Variants in ZFAND3 observed in about 807,000 individuals in gnomAD.
ZFAND3 encodes zinc finger AN1-type containing 3.
Under a neutral mutation model 29.6 loss-of-function variants are expected in ZFAND3, and 10 were observed. The ratio of observed to expected loss-of-function variants is 0.34; its 90% CI spans 0.21 to 0.57. The LOEUF (loss-of-function observed/expected upper bound fraction) is 0.57, where lower values mean the gene tolerates loss of function less well. Ranked by LOEUF, ZFAND3 falls within the 20% of genes least tolerant of loss-of-function variation. The pLI, the probability that ZFAND3 is intolerant of heterozygous loss-of-function variation, is 0.86. For missense variants in ZFAND3, 230 were observed against 304.5 expected (o/e 0.76, Z 1.82); for synonymous variants, 128 against 112.6 (o/e 1.14, Z -0.87).
chr6:37,943,502 C>T (rs1761848579), intron 2 of ZFAND3, among the ~76,000 whole-genome samples: 1 of 152,032 alleles, frequency 6.6e-6, no homozygotes, highest in African/African-American at 2.4e-5. Context: ...TTTTAGGATC[C>T]AGTAGCTGTT....
intron 4 of ZFAND3, among the ~76,000 whole-genome samples, chr6:38,108,083 A>G (rs1765243386): frequency 6.6e-6 from 1 of 152,186 alleles, no homozygotes; most frequent in Admixed American, 6.5e-5. Flanking sequence ...TAATTTCACT[A>G]TAGACTGAAT....
intron 2 of ZFAND3, among the ~76,000 whole-genome samples, chr6:38,032,488 A>G (rs1037908935): frequency 2.0e-5 from 3 of 152,234 alleles, no homozygotes; most frequent in African/African-American, 7.2e-5. Flanking sequence ...CTTTAGTGTC[A>G]GAGCAGATTA....
chr6:37,830,757 A>G (rs1267770978), intron 1 of ZFAND3, among the ~76,000 whole-genome samples: 1 of 151,738 alleles, frequency 6.6e-6, no homozygotes, highest in Admixed American at 6.6e-5. Context: ...TCTTTCCCCC[A>G]TGCCTGGTGG....
chr6:38,055,163 A>T (rs1764109600), intron 2 of ZFAND3, among the ~76,000 whole-genome samples: 1 of 152,196 alleles, frequency 6.6e-6, no homozygotes, highest in Non-Finnish European at 1.5e-5. Flanking sequence ...GTGGATTGAG[A>T]AACAAAAACC....
chr6:37,948,298 A>T (rs1193102309), intron 2 of ZFAND3, among the ~76,000 whole-genome samples: 2 of 152,238 alleles, frequency 1.3e-5, no homozygotes, highest in South Asian at 4.1e-4. Flanking sequence ...ATAAATATTT[A>T]GCATTTTTAC....
At chr6:37,983,343 C>CTTTTTTTTTTTTTTTTTTTTTTTTTT (rs70981516) in intron 2 of ZFAND3, among the ~76,000 whole-genome samples, 2 of 50,040 alleles carry the variant, frequency 4.0e-5, no homozygotes, top group African/African-American at 8.1e-5. Flanking sequence ...CAGTTTTTAT[C>CTTTTTTTTTTTTTTTTTTTTTTTTTT]TTTTTTTTTT....
At chr6:38,023,230 T>C (rs1763383702) in intron 2 of ZFAND3, among the ~76,000 whole-genome samples, 1 of 152,202 alleles carries the variant, frequency 6.6e-6, no homozygotes. Flanking sequence ...TCACAAAACC[T>C]CTCTAGAGAA....
intron 2 of ZFAND3, among the ~76,000 whole-genome samples, chr6:38,033,480 A>T (rs1031702836): frequency 1.3e-5 from 2 of 152,172 alleles, no homozygotes; most frequent in African/African-American, 4.8e-5. Flanking sequence ...CCTCATTTTA[A>T]GACAGGGGTT....
intron 1 of ZFAND3, among the ~76,000 whole-genome samples, chr6:37,912,939 A>T (rs1368221898): frequency 6.6e-6 from 1 of 152,232 alleles, no homozygotes; most frequent in Non-Finnish European, 1.5e-5. Flanking sequence ...CCGAGTACAT[A>T]TAAAAGTTAT....
chr6:37,997,321 T>A (rs1481903717), intron 2 of ZFAND3, among the ~76,000 whole-genome samples: 1 of 152,154 alleles, frequency 6.6e-6, no homozygotes, highest in African/African-American at 2.4e-5. Flanking sequence ...GGAGTATGGC[T>A]GGTATATGAT....
chr6:38,123,963 A>G (rs1209425265), intron 5 of ZFAND3, among the ~76,000 whole-genome samples: 5 of 152,076 alleles, frequency 3.3e-5, no homozygotes, highest in Admixed American at 6.5e-5. Context: ...GTAGGTTGCC[A>G]CTACTGACAC....
intron 2 of ZFAND3, among the ~76,000 whole-genome samples, chr6:37,953,863 T>C (rs771802161): frequency 6.6e-6 from 1 of 152,222 alleles, no homozygotes; most frequent in Non-Finnish European, 1.5e-5. Context: ...TTCTCTCTGG[T>C]ATCATTTCCT....
At chr6:37,876,020 A>G (rs887266333) in intron 1 of ZFAND3, among the ~76,000 whole-genome samples, 1 of 152,148 alleles carries the variant, frequency 6.6e-6, no homozygotes, top group Non-Finnish European at 1.5e-5. Context: ...TTACCCTAAA[A>G]TCACTTTTTT....
chr6:37,823,801 T>G lies in ZFAND3; in HGVS notation c.71+3785T>G, dbSNP rs1024503107. Among the ~76,000 whole-genome samples the G allele has an allele frequency of 1.0e-4, 15 of 150,164 alleles. 1 individual carries two copies. The highest frequency in any genetic ancestry group is 4.2e-4 in the South Asian group (2 of 4,734). On this transcript the variant is annotated intron_variant, in intron 1 of 5. Transcript: ENST00000287218. ...ATATGTATTTTTTTGTATTTTTTTT[T>G]GGGGGGGGGTAGGAAGTTTTGCTCT... is the stretch of plus-strand genomic sequence containing the variant.
chr6:38,085,745 A>T (rs1394796079), intron 4 of ZFAND3, among the ~76,000 whole-genome samples: 1 of 152,150 alleles, frequency 6.6e-6, no homozygotes, highest in Non-Finnish European at 1.5e-5. Context: ...CAGCCCATAC[A>T]TGCAGTTTAT....
At chr6:38,146,888 G>A (rs534202006) in intron 5 of ZFAND3, among the ~76,000 whole-genome samples, 1 of 152,298 alleles carries the variant, frequency 6.6e-6, no homozygotes, top group Admixed American at 6.5e-5. Flanking sequence ...CATAAGGAAA[G>A]TGTAGATATG....
At chr6:37,863,781 A>C (rs1353637975) in intron 1 of ZFAND3, among the ~76,000 whole-genome samples, 1 of 152,194 alleles carries the variant, frequency 6.6e-6, no homozygotes, top group Non-Finnish European at 1.5e-5. Flanking sequence ...CAATATGCCA[A>C]ATCCTGTCAC....
chr6:38,055,341 T>A (rs977056488), intron 2 of ZFAND3, among the ~76,000 whole-genome samples: 1 of 152,172 alleles, frequency 6.6e-6, no homozygotes, highest in Admixed American at 6.5e-5. Flanking sequence ...ACCAGCAGTG[T>A]ACCCTGTGCA....
intron 2 of ZFAND3, among the ~76,000 whole-genome samples, chr6:37,983,456 A>G (rs993271314): frequency 9.2e-5 from 13 of 141,464 alleles, no homozygotes; most frequent in African/African-American, 3.4e-4. Flanking sequence ...TCCCGGGTTC[A>G]AGCTATTCTC....
Sources: gnomAD v4.1 joint callset for allele counts (sites outside exome capture counted in the v4.1 genomes callset) on GRCh38, gnomAD v4.1.1 for gene constraint, MANE v1.5 for transcripts, NCBI Gene and HGNC (gene_info 2026-07-23, HGNC 2026-07-21) for gene names.